ZNF410: variants seen among roughly 807,000 people sequenced by gnomAD.
ZNF410 encodes another partner for ARF 1.
In ZNF410, 18 loss-of-function variants were observed where a neutral mutation model predicts 54.8. The observed-to-expected ratio is 0.33, with a 90% CI of 0.23 to 0.49. ZNF410 has a LOEUF of 0.49. Ranked by LOEUF, ZNF410 falls within the 20% of genes least tolerant of loss-of-function variation. The pLI, the probability that ZNF410 is intolerant of heterozygous loss-of-function variation, is 0.99. For missense variants in ZNF410, 405 were observed against 569.6 expected (o/e 0.71, Z 2.94); for synonymous variants, 191 against 207.3 (o/e 0.92, Z 0.68).
In ZNF410 at chr14:73,931,604, AG is replaced by A. The variant is rs1236402182; in HGVS notation, c.*65del. 1 of 1,484,044 alleles carries A rather than the reference AG, an allele frequency of 6.7e-7. No homozygotes were observed. The allele number at this position is 1,484,044 out of a possible 1,614,324, so 91.9% of individuals were successfully genotyped here. ...ATCTCAAAATGCGTATACTGGGAACAGGATGCCTTAGCCCACAACAGAACCA... is the reference window on the plus strand; with the variant it reads ...ATCTCAAAATGCGTATACTGGGAACAGATGCCTTAGCCCACAACAGAACCA... On this transcript the variant is annotated 3_prime_UTR_variant, in exon 12 of 12. Coordinates refer to ENST00000555044, the MANE Select transcript of ZNF410 (RefSeq NM_021188.3).
At chr14:73,893,971 T>G (rs765732363) in intron 3 of ZNF410, 39 bp downstream of exon 3, 6 of 1,585,684 alleles carry the variant, frequency 3.8e-6, no homozygotes, top group Non-Finnish European at 5.1e-6. Flanking sequence ...TAAAGAAGTC[T>G]TAAGAGCTTA....
At chr14:73,897,068 T>A (rs2055328976) in intron 4 of ZNF410, among the ~76,000 whole-genome samples, 1 of 150,994 alleles carries the variant, frequency 6.6e-6, no homozygotes, top group Non-Finnish European at 1.5e-5. Flanking sequence ...TGGGAGAGAG[T>A]GGTAGCAGGG....
At chr14:73,924,934 C>T (rs2055807164) in intron 11 of ZNF410, 1 of 286,580 alleles carries the variant, frequency 3.5e-6, no homozygotes, top group Non-Finnish European at 6.8e-6. Flanking sequence ...ACCTCAGCCT[C>T]CCAAAGTGCT....
chr14:73,898,439 G>A (rs969443437), intron 5 of ZNF410, 177 bp downstream of exon 5: 1 of 747,360 alleles, frequency 1.3e-6, no homozygotes, highest in Non-Finnish European at 2.1e-6. Context: ...TGCCAGATTT[G>A]TGTTCAAAAC....
intron 3 of ZNF410, among the ~76,000 whole-genome samples, chr14:73,894,199 G>T (rs1002660996): frequency 6.6e-6 from 1 of 152,142 alleles, no homozygotes; most frequent in African/African-American, 2.4e-5. Context: ...ACAGGGTAGG[G>T]CAGGAGAACT....
chr14:73,905,991 A>ATATATG (rs1491231212), intron 7 of ZNF410, among the ~76,000 whole-genome samples: 1 of 141,746 alleles, frequency 7.1e-6, no homozygotes, highest in South Asian at 2.3e-4. Flanking sequence ...ATATATATAT[A>ATATATG]TATACACACA....
chr14:73,892,671 G>C (rs1285210447), intron 2 of ZNF410, among the ~76,000 whole-genome samples: 1 of 152,258 alleles, frequency 6.6e-6, no homozygotes, highest in Non-Finnish European at 1.5e-5. Flanking sequence ...GTGTTGCAGA[G>C]TGGTCACTGA....
chr14:73,922,355 A>ATT (rs2140324914), intron 10 of ZNF410, 149 bp downstream of exon 10: 2 of 808,842 alleles, frequency 2.5e-6, no homozygotes, highest in Admixed American at 3.7e-5. Flanking sequence ...TCTGGGGTGG[A>ATT]TTAGTCAATC....
chr14:73,911,863 G>T (rs772312684), intron 8 of ZNF410, among the ~76,000 whole-genome samples: 1 of 151,748 alleles, frequency 6.6e-6, no homozygotes, highest in Non-Finnish European at 1.5e-5. Flanking sequence ...TTGTTTGTTT[G>T]TTTTTTTCAT....
Position 73,892,226 on chromosome 14 carries a change from GTTTCCT to G in ZNF410, c.33+23_33+28del. On this transcript the variant is annotated intron_variant, in intron 2 of 11. Transcript: ENST00000555044. ...AACCAGAGGTGAGCCCAGTCAGCTT[GTTTCCT>G]TTTCTTTTGGTGGGCTATATTTCAA... 1 of 1,610,012 alleles carries G rather than the reference GTTTCCT, an allele frequency of 6.2e-7. No individual in the cohort carries two copies.
intron 8 of ZNF410, among the ~76,000 whole-genome samples, chr14:73,911,021 G>GA (rs954861744): frequency 6.6e-6 from 1 of 152,120 alleles, no homozygotes; most frequent in African/African-American, 2.4e-5. Context: ...TTGGAGGTGA[G>GA]AAAATTCCTG....
intron 1 of ZNF410, among the ~76,000 whole-genome samples, chr14:73,891,467 C>G (rs1004873998): frequency 2.6e-5 from 4 of 152,156 alleles, no homozygotes; most frequent in Non-Finnish European, 4.4e-5. Context: ...GATTCTCCTG[C>G]CTCAGTCTCC....
intron 5 of ZNF410, chr14:73,898,629 G>A (rs1013529684): frequency 3.2e-6 from 1 of 312,226 alleles, no homozygotes; most frequent in Admixed American, 4.6e-5. Context: ...AATCAAAACA[G>A]TTTTTATCAG....
chr14:73,901,420 ATTT>A (rs369316873), intron 5 of ZNF410, among the ~76,000 whole-genome samples: 4 of 138,154 alleles, frequency 2.9e-5, no homozygotes, highest in African/African-American at 2.7e-5. Context: ...TTTCTGAGGG[ATTT>A]TTTTTTTTTT....
chr14:73,895,959 A>C (rs561010328), intron 3 of ZNF410, among the ~76,000 whole-genome samples: 1 of 152,194 alleles, frequency 6.6e-6, no homozygotes, highest in Non-Finnish European at 1.5e-5. Context: ...TAAAATGTAG[A>C]TCCTATTCTT....
Position 73,931,787 on chromosome 14 carries a change from C to T in ZNF410, c.*246C>T, listed in dbSNP as rs2055920196. 1.9e-6 allele frequency: 1 copy of T among 513,510 alleles called. No homozygotes were observed. Among genetic ancestry groups the T allele is most frequent in the Non-Finnish European group, 3.6e-6 (1 of 279,380 alleles). The allele number at this position is 513,510 out of a possible 1,614,324, so 31.8% of individuals were successfully genotyped here. On this transcript the variant is annotated 3_prime_UTR_variant, in exon 12 of 12. Transcript: ENST00000555044. Reference sequence around the variant, plus strand: ...CTGGGAAACTGTACCTACCTCTCTTCCCACTGCAAATTTCTGGGATAGACC... The same window carrying T: ...CTGGGAAACTGTACCTACCTCTCTTTCCACTGCAAATTTCTGGGATAGACC...
chr14:73,897,986 A>T, intron 4 of ZNF410, 85 bp from the exon 5 acceptor site: 1 of 1,291,870 alleles, frequency 7.7e-7, no homozygotes, highest in African/African-American at 1.5e-5. Flanking sequence ...AAAAAAAAAA[A>T]AAAAGGGACA....
chr14:73,901,797 G>A (rs1356118047), intron 5 of ZNF410, among the ~76,000 whole-genome samples: 1 of 151,386 alleles, frequency 6.6e-6, no homozygotes, highest in African/African-American at 2.4e-5. Context: ...AGGTGTGGTA[G>A]TGCACACCTG....
At position 73,932,015 on chromosome 14, in the gene ZNF410, C is replaced by T. The variant is rs749016822; in HGVS notation, c.*474C>T. On this transcript the variant is annotated 3_prime_UTR_variant, in exon 12 of 12. Transcript: ENST00000555044. Reference sequence around the variant, plus strand: ...TGAAGAAGGGAGTGATGTCAATTCTCTTGTTACATTCTCCCTTTAGCAACC... The same window carrying T: ...TGAAGAAGGGAGTGATGTCAATTCTTTTGTTACATTCTCCCTTTAGCAACC... The T allele has an allele frequency of 2.0e-5, 9 of 456,490 alleles. No individual in the cohort carries two copies. Among genetic ancestry groups the T allele is most frequent in the Admixed American group, 7.0e-5 (3 of 42,570 alleles). The allele number at this position is 456,490 out of a possible 1,614,324, so 28.3% of individuals were successfully genotyped here.
Sources: allele counts gnomAD v4.1 joint callset (sites outside exome capture counted in the v4.1 genomes callset), GRCh38; gene constraint gnomAD v4.1.1; transcripts MANE v1.5; gene names NCBI Gene and HGNC (gene_info 2026-07-23, HGNC 2026-07-21).